IQCN: variants seen among roughly 807,000 people sequenced by gnomAD.
The protein encoded by IQCN is IQ domain-containing protein N.
A neutral mutation model predicts 64.4 loss-of-function variants in IQCN; 46 were observed. That is an observed-to-expected ratio of 0.71 (90% CI 0.56 to 0.91). The LOEUF (loss-of-function observed/expected upper bound fraction) is 0.91, where lower values mean the gene tolerates loss of function less well. IQCN is among the 40% of genes least tolerant of loss of function. IQCN has a pLI of 0.00. For missense variants in IQCN, 1,753 were observed against 1,857.4 expected, an observed-to-expected ratio of 0.94 and a Z score of 1.03; for synonymous variants, 733 against 775.6, an observed-to-expected ratio of 0.95 and a Z score of 0.91.
chr19:18,262,116 C>T (rs1184480390), intron 3 of IQCN: 1 of 152,598 alleles, frequency 6.6e-6, no homozygotes, highest in African/African-American at 2.4e-5. Context: ...GTATTCTGGG[C>T]TTGGGGACAT....
rs1969491376 is a variant in IQCN at position 18,264,287 on chromosome 19, C to A, written c.3177+76G>T. The stretch of plus-strand genomic sequence containing the variant: ...ACCCCCACAAGATGGCCCCATCAAT[C>A]CCCCATCTCCTCCAAGGGCCCGGCA... On this transcript the variant is annotated intron_variant, in intron 3 of 3. Transcript: ENST00000392413. This position sits in a 1 kb window ranked among gnomAD's most constrained non-coding sequence, Gnocchi z 4.3. 21 of 1,264,158 alleles carry A rather than the reference C, an allele frequency of 1.7e-5. No homozygotes were observed. The highest frequency in any genetic ancestry group is 2.0e-5 in the Non-Finnish European group (19 of 943,380). The allele number at this position is 1,264,158 out of a possible 1,614,324, so 78.3% of individuals were successfully genotyped here.
At position 18,265,081 on chromosome 19, in the gene IQCN, C is replaced by A. The variant is rs772889466; in HGVS notation, c.2459G>T (p.Gly820Val). ...GACCTCACAGGCTGCCGGGCATGGT[C>A]CCCCCTGAGTGGTCTTCCCCGGCAC... ...GHVPGKTTQG[G>V]PCPAACEVQG... Residue 820 changes from glycine to valine, a missense_variant, in exon 3 of 4, where the codon GGA (glycine) becomes GTA (valine). Physicochemically the swap from Gly to Val is moderately radical, Grantham distance 109. Transcript: ENST00000392413. The surrounding 1 kb of genome is among the most constrained non-coding windows in gnomAD (Gnocchi z 4.7). The A allele has an allele frequency of 6.2e-6, 10 of 1,601,462 alleles. No homozygotes were observed. The East Asian group carries it at 2.0e-4, about 32-fold the overall frequency.
rs776960969 is a variant in IQCN at position 18,265,751 on chromosome 19, C to T, written c.1789G>A (p.Ala597Thr). ...HPGTGVPRAA[A>T]ELPLEAEKIK... The stretch of plus-strand genomic sequence containing the variant: ...TTCTCGGCTTCCAAAGGAAGCTCAG[C>T]TGCAGCCCTGGGGACCCCAGTTCCC... The change falls in exon 3 of 4, where the codon GCT becomes ACT. Residue 597 changes from alanine (A) to threonine (T), a missense_variant. Ala to Thr is a moderately conservative substitution (Grantham distance 58, BLOSUM62 0). Coordinates refer to ENST00000392413, the MANE Select transcript of IQCN (RefSeq NM_001145304.2). This position sits in a 1 kb window ranked among gnomAD's most constrained non-coding sequence, Gnocchi z 4.7. 1.9e-6 allele frequency: 3 copies of T among 1,614,206 alleles called. No homozygotes were observed. Among genetic ancestry groups the T allele is most frequent in the Non-Finnish European group, 1.7e-6 (2 of 1,180,046 alleles).
In IQCN at chr19:18,265,074, G is replaced by T; in HGVS notation, c.2466C>A (p.Cys822Ter). Residue 822 changes from cysteine to a stop codon, truncating the protein, a stop_gained, in exon 3 of 4, where the codon TGC (cysteine) becomes TGA (stop). Transcript: ENST00000392413. LOFTEE classifies it high-confidence loss of function. This position sits in a 1 kb window ranked among gnomAD's most constrained non-coding sequence, Gnocchi z 4.7. ...VPGKTTQGGP[C>*]PAACEVQGML... ...TACCCTGGACCTCACAGGCTGCCGG[G>T]CATGGTCCCCCCTGAGTGGTCTTCC... 2 of 1,601,422 alleles carry T rather than the reference G, an allele frequency of 1.2e-6. No homozygotes were observed.
chr19:18,267,529 G>GT lies in IQCN; in HGVS notation c.14-4dup. 1 of 1,514,762 alleles carries GT rather than the reference G, an allele frequency of 6.6e-7. No individual in the cohort carries two copies. The highest frequency in any genetic ancestry group is 8.8e-7 in the Non-Finnish European group (1 of 1,133,988). The allele number at this position is 1,514,762 out of a possible 1,614,324, so 93.8% of individuals were successfully genotyped here. Reference sequence around the variant, plus strand: ...ATTACCGGACAGGTCAGCTCTGCCTGTGGGGGCGGCAGGGGGTGGTCAGGG... The same window carrying GT: ...ATTACCGGACAGGTCAGCTCTGCCTGTTGGGGGCGGCAGGGGGTGGTCAGGG... On this transcript the variant is annotated splice_region_variant and splice_polypyrimidine_tract_variant and intron_variant, in intron 2 of 3. Coordinates refer to ENST00000392413, the MANE Select transcript of IQCN (RefSeq NM_001145304.2).
Position 18,264,600 on chromosome 19 carries a change from C to T in IQCN, c.2940G>A (p.Thr980=), listed in dbSNP as rs113063307. 85 of 1,551,494 alleles carry T rather than the reference C, an allele frequency of 5.5e-5. 1 individual carries two copies. Among genetic ancestry groups the T allele is most frequent in the African/African-American group, 3.6e-4 (26 of 73,164 alleles). ...KLAEVLSKAL[T]EEEWVALSQA... is the part of the protein sequence containing the mutation. ...GGCTCAGAGCCACCCACTCCTCCTC[C>T]GTCAAAGCCTTGCTAAGCACCTCGG... Residue 980 remains threonine (T), a synonymous_variant, in exon 3 of 4, where the codon ACG becomes ACA. Transcript: ENST00000392413. The surrounding 1 kb of genome is among the most constrained non-coding windows in gnomAD (Gnocchi z 4.3).
rs61740745 is a variant in IQCN at position 18,266,619 on chromosome 19, C to T, written c.921G>A (p.Thr307=). The change falls in exon 3 of 4, where the codon ACG becomes ACA. Residue 307 remains threonine, a synonymous_variant. Coordinates refer to ENST00000392413, the MANE Select transcript of IQCN (RefSeq NM_001145304.2). This position sits in a 1 kb window ranked among gnomAD's most constrained non-coding sequence, Gnocchi z 4.3. ...PLSRRYDQAV[T]RPSRAQTQGP... is the part of the protein sequence containing the mutation. ...CCTGGGTTTGGGCTCTGGATGGTCT[C>T]GTAACTGCCTGGTCATACCTTCTGG... is the stretch of plus-strand genomic sequence containing the variant. 9.0e-4 allele frequency: 1,453 copies of T among 1,613,980 alleles called. 9 individuals are homozygous for T. In the African/African-American group the frequency reaches 0.018, roughly 20 times the overall value.
chr19:18,258,184 A>C, intron 3 of IQCN, 78 bp from the exon 4 acceptor site: 1 of 1,480,224 alleles, frequency 6.8e-7, no homozygotes, highest in Non-Finnish European at 9.3e-7. Flanking sequence ...TGCCGTCTCC[A>C]CGGTGACTCC....
rs888268897 is a variant in IQCN, at chr19:18,264,228, G to A, written c.3177+135C>T. 2.8e-5 allele frequency: 21 copies of A among 749,772 alleles called. No homozygotes were observed. Among genetic ancestry groups the A allele is most frequent in the East Asian group, 1.1e-4 (4 of 36,350 alleles). The allele number at this position is 749,772 out of a possible 1,614,324, so 46.4% of individuals were successfully genotyped here. ...GCTGGTGATGACGCTACCCATCACC[G>A]AGGCTCCCACAGTGACCACAGATAA... On this transcript the variant is annotated intron_variant, in intron 3 of 3. Coordinates refer to ENST00000392413, the MANE Select transcript of IQCN (RefSeq NM_001145304.2). The surrounding 1 kb of genome is among the most constrained non-coding windows in gnomAD (Gnocchi z 4.3).
chr19:18,258,044 CCTGG>C lies in IQCN; in HGVS notation c.3236_3239del (p.Ala1079GlyfsTer38), dbSNP rs1969349055. 1 of 1,612,616 alleles carries C rather than the reference CCTGG, an allele frequency of 6.2e-7. No homozygotes were observed. Among genetic ancestry groups the C allele is most frequent in the African/African-American group, 1.3e-5 (1 of 74,928 alleles). ...GCCAGGTGTCCCAGGACGCAGCACC[CCTGG>C]CTGGCTCCCATGCGCGGTTCCACGA... is the stretch of plus-strand genomic sequence containing the variant. On this transcript the variant is annotated frameshift_variant, in exon 4 of 4. Coordinates refer to ENST00000392413, the MANE Select transcript of IQCN (RefSeq NM_001145304.2). LOFTEE classifies it low-confidence loss of function (END_TRUNC).
chr19:18,258,124 T>A lies in IQCN; in HGVS notation c.3178-18A>T. The A allele has an allele frequency of 1.9e-6, 3 of 1,605,348 alleles. No homozygotes were observed. Among genetic ancestry groups the A allele is most frequent in the Non-Finnish European group, 1.7e-6 (2 of 1,179,416 alleles). On this transcript the variant is annotated intron_variant, in intron 3 of 3. Transcript: ENST00000392413. ...GCGGGGCCCTGGAGTATAGTGGAGTTCAGGGATGCCTTGTGACTAACGGCA... is the reference window on the plus strand; with the variant it reads ...GCGGGGCCCTGGAGTATAGTGGAGTACAGGGATGCCTTGTGACTAACGGCA...
At chr19:18,267,563 G>A (rs770662963) in intron 2 of IQCN, 37 bp from the exon 3 acceptor site, 1 of 1,495,930 alleles carries the variant, frequency 6.7e-7, no homozygotes, top group Middle Eastern at 1.8e-4. Flanking sequence ...GGTGTAGCAG[G>A]TCCTGCAAAC....
Position 18,268,174 on chromosome 19 carries a change from CTGTGTGTG to C in IQCN, c.14-656_14-649del, listed in dbSNP as rs71336668. ...TGTTTTGGAAATTTCCTGTTTGCCT[CTGTGTGTG>C]TGTGTGTGTGTGTGTGTGTGTGTGT... On this transcript the variant is annotated intron_variant, in intron 2 of 3. Transcript: ENST00000392413. Among the ~76,000 whole-genome samples the C allele has an allele frequency of 6.8e-3, 921 of 134,472 alleles. 5 individuals carry two copies. Among genetic ancestry groups the C allele is most frequent in the African/African-American group, 0.019 (665 of 35,930 alleles). 88.2% of individuals were successfully genotyped at this position (134,472 alleles called of 152,430 possible).
At position 18,264,673 on chromosome 19, in the gene IQCN, C is replaced by G; in HGVS notation, c.2867G>C (p.Arg956Pro). ...LRLTLSRALS[R>P]GELRAELTKV... is the part of the protein sequence containing the mutation. ...GGTGAGTTCCGCCCGCAGCTCGCCCCGGGACAGGGCTCGGGACAGGGTCAG... is the reference window on the plus strand; with the variant it reads ...GGTGAGTTCCGCCCGCAGCTCGCCCGGGGACAGGGCTCGGGACAGGGTCAG... The change falls in exon 3 of 4, where the codon CGG (arginine) becomes CCG (proline). Residue 956 changes from arginine to proline, a missense_variant. Coordinates refer to ENST00000392413, the MANE Select transcript of IQCN (RefSeq NM_001145304.2). The surrounding 1 kb of genome is among the most constrained non-coding windows in gnomAD (Gnocchi z 4.3). The G allele has an allele frequency of 6.4e-7, 1 of 1,551,314 alleles. No individual in the cohort carries two copies.
rs749864376 is a variant in IQCN, at chr19:18,257,488, G to C, written c.3796C>G (p.Arg1266Gly). 6.2e-7 allele frequency: 1 copy of C among 1,608,508 alleles called. No homozygotes were observed. Among genetic ancestry groups the C allele is most frequent in the African/African-American group, 1.3e-5 (1 of 74,892 alleles). ...CHTCGRTQPTRVVQGMGQGTE... is the reference protein window; with the variant it reads ...CHTCGRTQPTGVVQGMGQGTE... ...CCCTGGCCCATGCCCTGCACCACAC[G>C]GGTGGGCTGTGTGCGTCCACAGGTA... is the stretch of plus-strand genomic sequence containing the variant. The change falls in exon 4 of 4, where the codon CGT becomes GGT. Residue 1266 changes from arginine (R) to glycine (G), a missense_variant. By Grantham distance (125) the Arg-to-Gly change is moderately radical. Coordinates refer to ENST00000392413, the MANE Select transcript of IQCN (RefSeq NM_001145304.2).
chr19:18,265,988 G>T lies in IQCN; in HGVS notation c.1552C>A (p.Leu518Met). The T allele has an allele frequency of 6.2e-7, 1 of 1,614,122 alleles. No homozygotes were observed. The highest frequency in any genetic ancestry group is 8.5e-7 in the Non-Finnish European group (1 of 1,179,958). The change falls in exon 3 of 4, where the codon CTG (leucine) becomes ATG (methionine). Residue 518 changes from leucine to methionine, a missense_variant. Coordinates refer to ENST00000392413, the MANE Select transcript of IQCN (RefSeq NM_001145304.2). The surrounding 1 kb of genome is among the most constrained non-coding windows in gnomAD (Gnocchi z 4.7). ...LRSVATILKT[L>M]CLASPTVANV... Reference sequence around the variant, plus strand: ...GCCACTGTTGGAGAGGCCAGACACAGAGTCTTGAGGATGGTGGCCACCGAG... The same window carrying T: ...GCCACTGTTGGAGAGGCCAGACACATAGTCTTGAGGATGGTGGCCACCGAG...
Position 18,265,239 on chromosome 19 carries a change from G to T in IQCN, c.2301C>A (p.Ser767Arg), listed in dbSNP as rs773936058. ...TTAGGAGCACCTGGGAGTGGGTGTT[G>T]CTGCTGAGATCAGCAGCCTGGTGCG... is the stretch of plus-strand genomic sequence containing the variant. Reference protein sequence around the residue: ...IPAHQAADLSSNTHSQVLLTG... With the variant: ...IPAHQAADLSRNTHSQVLLTG... Residue 767 changes from serine to arginine, a missense_variant, in exon 3 of 4, where the codon AGC becomes AGA. Transcript: ENST00000392413. This position sits in a 1 kb window ranked among gnomAD's most constrained non-coding sequence, Gnocchi z 4.7. 4 of 1,613,286 alleles carry T rather than the reference G, an allele frequency of 2.5e-6. No individual in the cohort carries two copies. Among genetic ancestry groups the T allele is most frequent in the Non-Finnish European group, 3.4e-6 (4 of 1,179,962 alleles).
At chr19:18,259,288 A>G (rs1349316878) in intron 3 of IQCN, 1 of 152,094 alleles carries the variant, frequency 6.6e-6, no homozygotes, top group Non-Finnish European at 1.5e-5. Flanking sequence ...GATGTCAATC[A>G]CCATGGGCCC....
Position 18,269,552 on chromosome 19 carries a change from T to C in IQCN, c.-74A>G. 6.5e-7 allele frequency: 1 copy of C among 1,533,766 alleles called. No individual in the cohort carries two copies. Among genetic ancestry groups the C allele is most frequent in the South Asian group, 1.1e-5 (1 of 88,808 alleles). ...CTGCAAGAGGAGGCAGCCTTCAGCC[T>C]TTCATCCATGCAATATGCAGCAACA... is the stretch of plus-strand genomic sequence containing the variant. On this transcript the variant is annotated 5_prime_UTR_variant, in exon 2 of 4. Transcript: ENST00000392413.
Sources: gnomAD v4.1 joint callset for allele counts (sites outside exome capture counted in the v4.1 genomes callset) on GRCh38, gnomAD v4.1.1 for gene constraint, Gnocchi (gnomAD v3.1) non-coding constraint, MANE v1.5 for transcripts, NCBI Gene and HGNC (gene_info 2026-07-23, HGNC 2026-07-21) for gene names.